HDGF: variants seen among roughly 807,000 people sequenced by gnomAD.
HDGF encodes the protein heparin binding growth factor.
In HDGF, 5 loss-of-function variants were observed where a neutral mutation model predicts 30.0. The observed-to-expected ratio is 0.17, with a 90% confidence interval of 0.09 to 0.35. The LOEUF is 0.35. Among genes scored for constraint, HDGF ranks in the 10% least tolerant of loss-of-function variants. The probability of loss-of-function intolerance (pLI) is 1.00; values close to 1 mark genes in which losing one functional copy is unlikely to be tolerated. For missense variants in HDGF, 214 were observed against 302.8 expected (o/e 0.71, Z 2.18); for synonymous variants, 133 against 112.7 (o/e 1.18, Z -1.14).
intron 1 of HDGF, among the ~76,000 whole-genome samples, chr1:156,762,464 T>G (rs1227511638): frequency 6.6e-6 from 1 of 152,104 alleles, no homozygotes. Flanking sequence ...ATTACTCTTA[T>G]TAGAGTCTCT....
At chr1:156,767,310 ATTG>A (rs1304059202), upstream of HDGF, among the ~76,000 whole-genome samples, 1 of 152,064 alleles carries the variant, frequency 6.6e-6, no homozygotes, top group Admixed American at 6.5e-5. Context: ...TCACCTCGGA[ATTG>A]TTAGGCGACG....
At position 156,743,269 on chromosome 1, in the gene HDGF, TG is replaced by T. The variant is rs1650259648; in HGVS notation, c.*179del. The T allele has an allele frequency of 1.7e-6, 1 of 601,778 alleles. No homozygotes were observed. Among genetic ancestry groups the T allele is most frequent in the Non-Finnish European group, 2.9e-6 (1 of 343,696 alleles). The allele number at this position is 601,778 out of a possible 1,614,324, so 37.3% of individuals were successfully genotyped here. A position where few individuals can be genotyped will look rare whatever the true frequency, so the allele number is the denominator to read the frequency against. On this transcript the variant is annotated 3_prime_UTR_variant, in exon 6 of 6. Coordinates refer to ENST00000357325, the MANE Select transcript of HDGF (RefSeq NM_004494.3). ...TGGGGACCTAGAGGTGAGAGCCAGGTGGCCTGCCCCATCCAGGTCAATCTCC... is the reference window on the plus strand; with the variant it reads ...TGGGGACCTAGAGGTGAGAGCCAGGTGCCTGCCCCATCCAGGTCAATCTCC...
At chr1:156,756,482 G>A (rs1366689970), upstream of HDGF, among the ~76,000 whole-genome samples, 1 of 152,186 alleles carries the variant, frequency 6.6e-6, no homozygotes, top group Non-Finnish European at 1.5e-5. Context: ...TTGGGAGTCA[G>A]CTTACTTAGG....
At position 156,743,374 on chromosome 1, in the gene HDGF, G is replaced by C; in HGVS notation, c.*75C>G. ...TGGGAAAGGGGTTCCCAGTTTGCAGGCCATGGCCAGTTTCCCCAGTAGCAC... is the reference window on the plus strand; with the variant it reads ...TGGGAAAGGGGTTCCCAGTTTGCAGCCCATGGCCAGTTTCCCCAGTAGCAC... On this transcript the variant is annotated 3_prime_UTR_variant, in exon 6 of 6. Transcript: ENST00000357325. 6.9e-7 allele frequency: 1 copy of C among 1,450,648 alleles called. No homozygotes were observed. The highest frequency in any genetic ancestry group is 9.3e-7 in the Non-Finnish European group (1 of 1,080,052). The allele number at this position is 1,450,648 out of a possible 1,614,324, so 89.9% of individuals were successfully genotyped here.
At chr1:156,752,455 T>C (rs887645034), upstream of HDGF, 3 of 1,219,108 alleles carry the variant, frequency 2.5e-6, no homozygotes, top group African/African-American at 3.0e-5. Flanking sequence ...TTCTAGTCGG[T>C]TACGGTAGAA....
In HDGF at chr1:156,744,292, C is replaced by T; in HGVS notation, c.360G>A (p.Glu120=). ...EEPEPEPEAA[E]GDGDKKGNAE... The stretch of plus-strand genomic sequence containing the variant: ...CATTCCCCTTCTTATCACCGTCACC[C>T]TCTGCAGCTTCGGGCTCTGGTTCAG... The change falls in exon 4 of 6, where the codon GAG becomes GAA. Residue 120 remains glutamate (E), a synonymous_variant. Coordinates refer to ENST00000357325, the MANE Select transcript of HDGF (RefSeq NM_004494.3). 1.9e-6 allele frequency: 3 copies of T among 1,614,200 alleles called. No individual in the cohort carries two copies. Among genetic ancestry groups the T allele is most frequent in the Non-Finnish European group, 1.7e-6 (2 of 1,180,036 alleles).
At chr1:156,747,707 C>T (rs1326055401) in intron 1 of HDGF, among the ~76,000 whole-genome samples, 2 of 152,002 alleles carry the variant, frequency 1.3e-5, no homozygotes, top group Non-Finnish European at 2.9e-5. Context: ...AGTGCCCACA[C>T]CTGAGCCAGG....
chr1:156,744,388 T>C (rs1292994290), intron 3 of HDGF, 40 bp from the exon 4 acceptor site: 1 of 1,609,578 alleles, frequency 6.2e-7, no homozygotes. Flanking sequence ...CACCAGTCGC[T>C]GCCATGCTGG....
intron 1 of HDGF, among the ~76,000 whole-genome samples, chr1:156,763,588 C>CTT (rs1263248247): frequency 1.6e-4 from 22 of 137,260 alleles, no homozygotes; most frequent in African/African-American, 4.0e-4. Context: ...TTACAAATTT[C>CTT]TTTTTTTTTT....
At chr1:156,766,616 G>A (rs1360269640) in intron 1 of HDGF, among the ~76,000 whole-genome samples, 4 of 152,198 alleles carry the variant, frequency 2.6e-5, no homozygotes, top group Non-Finnish European at 5.9e-5. Context: ...AGAGACAGAT[G>A]TAAGAAAGTC....
At chr1:156,744,894 AC>A in intron 3 of HDGF, 113 bp downstream of exon 3, 1 of 1,267,576 alleles carries the variant, frequency 7.9e-7, no homozygotes, top group Non-Finnish European at 1.1e-6. Context: ...ATTAGCTCCT[AC>A]CCTGAAAGCC....
intron 1 of HDGF, among the ~76,000 whole-genome samples, chr1:156,762,724 T>C (rs1475657689): frequency 3.3e-5 from 5 of 151,850 alleles, no homozygotes; most frequent in African/African-American, 1.2e-4. Flanking sequence ...TACAAAAAAT[T>C]AGCCAGGTGT....
rs1478126645 is a variant in HDGF, at chr1:156,751,034, T to TG, written c.87+308dup. 7.4e-6 allele frequency among the ~76,000 whole-genome samples: 1 copy of TG among 135,216 alleles called. No homozygotes were observed. Among genetic ancestry groups the TG allele is most frequent in the Non-Finnish European group, 1.6e-5 (1 of 61,772 alleles). 88.7% of individuals were successfully genotyped at this position (135,216 alleles called of 152,430 possible). A position where few individuals can be genotyped will look rare whatever the true frequency, so the allele number is the denominator to read the frequency against. The stretch of plus-strand genomic sequence containing the variant: ...TTCGCGCTCGAAACCTCTGGGAGTA[T>TG]GGGGGCTGGGGGCGGAACTGAGCAC... On this transcript the variant is annotated intron_variant, in intron 1 of 5. Coordinates refer to ENST00000357325, the MANE Select transcript of HDGF (RefSeq NM_004494.3). This position sits in a 1 kb window ranked among gnomAD's most constrained non-coding sequence, Gnocchi z 4.7.
Position 156,743,151 on chromosome 1 carries a change from A to C in HDGF, c.*298T>G. Reference sequence around the variant, plus strand: ...GGGAGCAGTTGTCCCAGGCCCCAGCAGAAGCCTGGAAAATAGCTCCAAGCG... The same window carrying C: ...GGGAGCAGTTGTCCCAGGCCCCAGCCGAAGCCTGGAAAATAGCTCCAAGCG... On this transcript the variant is annotated 3_prime_UTR_variant, in exon 6 of 6. Coordinates refer to ENST00000357325, the MANE Select transcript of HDGF (RefSeq NM_004494.3). The C allele has an allele frequency of 2.9e-6, 1 of 347,912 alleles. No individual in the cohort carries two copies. Among genetic ancestry groups the C allele is most frequent in the East Asian group, 4.5e-5 (1 of 22,104 alleles). 21.6% of individuals were successfully genotyped at this position (347,912 alleles called of 1,614,324 possible). A position where few individuals can be genotyped will look rare whatever the true frequency, so the allele number is the denominator to read the frequency against.
At chr1:156,761,640 A>AAC (rs1553251271) in intron 1 of HDGF, among the ~76,000 whole-genome samples, 2 of 144,418 alleles carry the variant, frequency 1.4e-5, no homozygotes, top group African/African-American at 2.6e-5. Context: ...CAAAAAAAAA[A>AAC]CCATAAAAAT....
At chr1:156,755,162 G>A (rs563519323), upstream of HDGF, among the ~76,000 whole-genome samples, 1 of 152,276 alleles carries the variant, frequency 6.6e-6, no homozygotes, top group East Asian at 1.9e-4. Flanking sequence ...ATGCTGGTGC[G>A]CACTTCTACA....
exon 2 of HDGF, chr1:156,759,163 C>G (rs1197991043): frequency 1.3e-5 from 2 of 152,128 alleles, no homozygotes; most frequent in African/African-American, 4.8e-5. Context: ...TTCCAGACCA[C>G]CATCTTTAAA....
rs551538757 is a variant in HDGF, at chr1:156,761,850, G to A, written n.137-2631C>T. ...TAGTCCCAGCTACTCGGGAGGCTGA[G>A]GCAGGAGAATCACTTGAACCTGGGA... On this transcript the variant is annotated intron_variant and non_coding_transcript_variant, in intron 1 of 7. Transcript: ENST00000465180. Among the ~76,000 whole-genome samples the A allele has an allele frequency of 8.0e-5, 12 of 150,020 alleles. No homozygotes were observed. The South Asian group carries it at 2.5e-3, about 32-fold the overall frequency.
intron 1 of HDGF, among the ~76,000 whole-genome samples, chr1:156,750,278 C>T (rs965566253): frequency 1.3e-5 from 2 of 152,104 alleles, no homozygotes; most frequent in Non-Finnish European, 1.5e-5. Context: ...GTCATGCCCT[C>T]GCCCAAAACC....
Sources: gnomAD v4.1 joint callset for allele counts (sites outside exome capture counted in the v4.1 genomes callset) on GRCh38, gnomAD v4.1.1 for gene constraint, Gnocchi (gnomAD v3.1) non-coding constraint, MANE v1.5 for transcripts, NCBI Gene and HGNC (gene_info 2026-07-23, HGNC 2026-07-21) for gene names.